Variants in CPN1 observed in about 807,000 individuals in gnomAD.
CPN1 encodes the protein carboxypeptidase N catalytic chain.
A neutral mutation model predicts 46.4 loss-of-function variants in CPN1; 37 were observed. That is an observed-to-expected ratio of 0.80 (90% CI 0.61 to 1.05). The LOEUF is 1.05. Among genes scored for constraint, CPN1 ranks in the 50% least tolerant of loss-of-function variants. CPN1 has a pLI of 0.00. For missense variants in CPN1, 563 were observed against 602.6 expected (o/e 0.93, Z 0.69); for synonymous variants, 224 against 235.4 (o/e 0.95, Z 0.44).
chr10:100,076,194 AC>A lies in CPN1; in HGVS notation c.224-88del, dbSNP rs1485685370. ...AGGACCTTTTTTCTCTTTTTCAGTA[AC>A]GAATGAAAGAAAATCTCATGCTTTC... On this transcript the variant is annotated intron_variant, in intron 1 of 8. Coordinates refer to ENST00000370418, the MANE Select transcript of CPN1 (RefSeq NM_001308.3). 6 of 1,289,036 alleles carry A rather than the reference AC, an allele frequency of 4.7e-6. No homozygotes were observed. The East Asian group carries it at 1.4e-4, about 30-fold the overall frequency. The allele number at this position is 1,289,036 out of a possible 1,614,324, so 79.8% of individuals were successfully genotyped here.
chr10:100,053,842 C>T (rs986825415), intron 7 of CPN1, among the ~76,000 whole-genome samples: 1 of 152,098 alleles, frequency 6.6e-6, no homozygotes, highest in Admixed American at 6.6e-5. Flanking sequence ...CTCTAAGATC[C>T]GCCTCCACCA....
intron 3 of CPN1, among the ~76,000 whole-genome samples, chr10:100,068,128 G>A (rs1396012822): frequency 6.8e-6 from 1 of 147,486 alleles, no homozygotes; most frequent in African/African-American, 2.5e-5. Flanking sequence ...CTCCAGCCTG[G>A]AGGGTAAAAG....
At chr10:100,062,525 G>A (rs1055439410) in intron 5 of CPN1, among the ~76,000 whole-genome samples, 2 of 152,008 alleles carry the variant, frequency 1.3e-5, no homozygotes, top group African/African-American at 4.8e-5. Flanking sequence ...TTATAAGCCA[G>A]GCATTTCCAA....
At chr10:100,060,418 CAGG>C (rs2041409967) in intron 5 of CPN1, among the ~76,000 whole-genome samples, 1 of 151,922 alleles carries the variant, frequency 6.6e-6, no homozygotes, top group African/African-American at 2.4e-5. Context: ...AAAAATTAGC[CAGG>C]TGTGGTGGCA....
chr10:100,066,000 G>A (rs1396494024), intron 3 of CPN1, among the ~76,000 whole-genome samples: 1 of 150,894 alleles, frequency 6.6e-6, no homozygotes, highest in Non-Finnish European at 1.5e-5. Context: ...CTGTCACCCA[G>A]ACTGGAGTGC....
At chr10:100,079,422 C>T (rs1469165242) in intron 1 of CPN1, among the ~76,000 whole-genome samples, 4 of 152,198 alleles carry the variant, frequency 2.6e-5, no homozygotes, top group African/African-American at 7.2e-5. Flanking sequence ...ACAGTGAGGG[C>T]TAGAGTCCTG....
At position 100,069,958 on chromosome 10, in the gene CPN1, T is replaced by C; in HGVS notation, c.421-89A>G. The C allele has an allele frequency of 2.0e-6, 3 of 1,488,884 alleles. No individual in the cohort carries two copies. The East Asian group carries it at 6.8e-5, about 34-fold the overall frequency. 92.2% of individuals were successfully genotyped at this position (1,488,884 alleles called of 1,614,324 possible). A position where few individuals can be genotyped will look rare whatever the true frequency, so the allele number is the denominator to read the frequency against. On this transcript the variant is annotated intron_variant, in intron 2 of 8. Transcript: ENST00000370418. ...TTTTTTTGGAGACAGGTTCTCACAC[T>C]GTTGCCCAGGCTGAAGTGCAGTGGT...
chr10:100,060,483 G>T (rs1342966085), intron 5 of CPN1, among the ~76,000 whole-genome samples: 1 of 152,068 alleles, frequency 6.6e-6, no homozygotes, highest in African/African-American at 2.4e-5. Flanking sequence ...AATCGCTTGA[G>T]CCGGGAGGCA....
chr10:100,057,288 T>C (rs1157329895), intron 5 of CPN1, 136 bp from the exon 6 acceptor site: 1 of 978,838 alleles, frequency 1.0e-6, no homozygotes, highest in East Asian at 2.6e-5. Context: ...ATTTATTTCA[T>C]TGGCACATAA....
chr10:100,077,527 G>T (rs1037008995), intron 1 of CPN1, among the ~76,000 whole-genome samples: 1 of 152,010 alleles, frequency 6.6e-6, no homozygotes, highest in Non-Finnish European at 1.5e-5. Flanking sequence ...CATTGCACCC[G>T]GCTGGGTTTT....
In CPN1 at chr10:100,081,662, G is replaced by C. The variant is rs1226068666; in HGVS notation, c.-37C>G. 2 of 1,569,220 alleles carry C rather than the reference G, an allele frequency of 1.3e-6. No homozygotes were observed. The highest frequency in any genetic ancestry group is 1.7e-6 in the Non-Finnish European group (2 of 1,143,348). On this transcript the variant is annotated 5_prime_UTR_variant, in exon 1 of 9. Transcript: ENST00000370418. ...TTTTCAAAGAGAGCCACTGAAACGC[G>C]CCCCACCTCCTTAAACAACCTAGCC...
intron 6 of CPN1, among the ~76,000 whole-genome samples, chr10:100,055,560 C>T (rs1242434626): frequency 2.6e-5 from 4 of 151,974 alleles, no homozygotes; most frequent in Admixed American, 6.6e-5. Flanking sequence ...GTTTCGCTCT[C>T]GTTGCCCAGG....
At chr10:100,068,123 G>A (rs2041464621) in intron 3 of CPN1, among the ~76,000 whole-genome samples, 2 of 143,202 alleles carry the variant, frequency 1.4e-5, no homozygotes, top group South Asian at 4.5e-4. Flanking sequence ...CTGCACTCCA[G>A]CCTGGAGGGT....
At chr10:100,047,580 T>C (rs1290925205) in intron 8 of CPN1, among the ~76,000 whole-genome samples, 1 of 152,218 alleles carries the variant, frequency 6.6e-6, no homozygotes, top group Non-Finnish European at 1.5e-5. Context: ...TGTACCTACT[T>C]TGTTGAACCT....
intron 4 of CPN1, 109 bp from the exon 5 acceptor site, chr10:100,063,834 G>A: frequency 1.2e-6 from 1 of 805,704 alleles, no homozygotes. Context: ...TATATAAACA[G>A]TGGATTATTT....
chr10:100,074,427 C>G (rs2041502906), intron 2 of CPN1, among the ~76,000 whole-genome samples: 1 of 152,106 alleles, frequency 6.6e-6, no homozygotes, highest in Non-Finnish European at 1.5e-5. Flanking sequence ...TTTCCCCACT[C>G]CCTCCCACCC....
intron 2 of CPN1, among the ~76,000 whole-genome samples, chr10:100,073,429 G>A (rs1001496597): frequency 2.6e-5 from 4 of 152,082 alleles, no homozygotes; most frequent in Non-Finnish European, 2.9e-5. Context: ...TCATAAACAG[G>A]GCTAGTGTTG....
chr10:100,069,610 T>C, intron 3 of CPN1, 104 bp downstream of exon 3: 1 of 1,361,368 alleles, frequency 7.3e-7, no homozygotes. Flanking sequence ...GAGTTGATGC[T>C]TAATTCTTGC....
intron 7 of CPN1, 63 bp downstream of exon 7, chr10:100,054,284 A>G: frequency 7.5e-7 from 1 of 1,340,902 alleles, no homozygotes; most frequent in Non-Finnish European, 1.1e-6. Context: ...TGGCCCCTTG[A>G]TTATGCTGAA....
Sources: gnomAD v4.1 joint callset for allele counts (sites outside exome capture counted in the v4.1 genomes callset) on GRCh38, gnomAD v4.1.1 for gene constraint, MANE v1.5 for transcripts, NCBI Gene and HGNC (gene_info 2026-07-23, HGNC 2026-07-21) for gene names.